ITFG1: variants seen among roughly 807,000 people sequenced by gnomAD.
ITFG1 encodes the protein T-cell immunomodulatory protein.
In ITFG1, 34 loss-of-function variants were observed where a neutral mutation model predicts 81.8. That is an observed-to-expected ratio of 0.42 (90% CI 0.32 to 0.55). The LOEUF is 0.55. Among genes scored for constraint, ITFG1 ranks in the 20% least tolerant of loss-of-function variants. The pLI is 0.17. For missense variants in ITFG1, 672 were observed against 755.4 expected, an observed-to-expected ratio of 0.89 and a Z score of 1.29; for synonymous variants, 285 against 270.6, an observed-to-expected ratio of 1.05 and a Z score of -0.52.
chr16:47,160,058 C>T (rs1964776878), intron 16 of ITFG1, among the ~76,000 whole-genome samples: 1 of 151,850 alleles, frequency 6.6e-6, no homozygotes, highest in African/African-American at 2.4e-5. Context: ...AAAACAAATA[C>T]TGTTAATTAG....
intron 10 of ITFG1, among the ~76,000 whole-genome samples, chr16:47,298,154 A>C (rs1261264845): frequency 6.6e-6 from 1 of 151,958 alleles, no homozygotes; most frequent in East Asian, 1.9e-4. Context: ...TTTATTTTCT[A>C]GCAGTTCTGG....
In ITFG1 at chr16:47,290,480, C is replaced by T. The variant is rs571309375; in HGVS notation, c.1070+20760G>A. ...ATCTAAGAATATTTGCTTTATATAT[C>T]GCAGTGCTCTGGTATTGAGTGTATT... On this transcript the variant is annotated intron_variant, in intron 10 of 17. Coordinates refer to ENST00000320640, the MANE Select transcript of ITFG1 (RefSeq NM_030790.5). 5.3e-5 allele frequency among the ~76,000 whole-genome samples: 8 copies of T among 152,214 alleles called. No individual in the cohort carries two copies. The East Asian group carries it at 7.7e-4, about 15-fold the overall frequency.
At chr16:47,274,204 C>T (rs1966373926) in intron 10 of ITFG1, among the ~76,000 whole-genome samples, 1 of 151,934 alleles carries the variant, frequency 6.6e-6, no homozygotes, top group South Asian at 2.1e-4. Flanking sequence ...TTGTGGTCAG[C>T]CAAGATTACG....
intron 8 of ITFG1, among the ~76,000 whole-genome samples, chr16:47,333,353 G>A (rs1002655655): frequency 6.6e-6 from 1 of 152,260 alleles, no homozygotes; most frequent in Non-Finnish European, 1.5e-5. Flanking sequence ...CATTATCCAA[G>A]GATGTCTCCT....
At chr16:47,172,011 G>A (rs1364743898) in intron 14 of ITFG1, among the ~76,000 whole-genome samples, 1 of 152,170 alleles carries the variant, frequency 6.6e-6, no homozygotes, top group East Asian at 1.9e-4. Context: ...TACAGTTATT[G>A]CCAAAAGAAC....
chr16:47,184,076 G>GA (rs910613022), intron 14 of ITFG1, among the ~76,000 whole-genome samples: 7 of 152,042 alleles, frequency 4.6e-5, no homozygotes, highest in Non-Finnish European at 7.4e-5. Flanking sequence ...GAAGTTTAGA[G>GA]AAAAAAGAAT....
chr16:47,455,135 C>T (rs533303150), intron 2 of ITFG1, among the ~76,000 whole-genome samples: 1 of 152,282 alleles, frequency 6.6e-6, no homozygotes, highest in East Asian at 1.9e-4. Flanking sequence ...CAGCTCTACC[C>T]TATTTCTAGA....
At chr16:47,324,369 C>A (rs919475673) in intron 8 of ITFG1, among the ~76,000 whole-genome samples, 24 of 152,028 alleles carry the variant, frequency 1.6e-4, no homozygotes, top group East Asian at 5.8e-4. Context: ...CTGGTACCAG[C>A]CACTGCAAAA....
chr16:47,285,515 T>TCCC (rs1966866445), intron 10 of ITFG1, among the ~76,000 whole-genome samples: 1 of 152,194 alleles, frequency 6.6e-6, no homozygotes, highest in Non-Finnish European at 1.5e-5. Flanking sequence ...GACAGAAATT[T>TCCC]CAGAGGCCTG....
chr16:47,262,565 T>G (rs992646858), intron 10 of ITFG1, among the ~76,000 whole-genome samples: 1 of 152,266 alleles, frequency 6.6e-6, no homozygotes, highest in African/African-American at 2.4e-5. Context: ...GCATGCATCC[T>G]TATTTTCCTT....
chr16:47,388,689 T>C (rs755315507), intron 6 of ITFG1, among the ~76,000 whole-genome samples: 3 of 152,200 alleles, frequency 2.0e-5, no homozygotes, highest in Non-Finnish European at 4.4e-5. Context: ...CAGACTCACC[T>C]TGAAGAAGGA....
chr16:47,427,551 G>A (rs964293726), intron 6 of ITFG1, among the ~76,000 whole-genome samples: 1 of 152,134 alleles, frequency 6.6e-6, no homozygotes, highest in Non-Finnish European at 1.5e-5. Context: ...CCAGCTACTT[G>A]GGAGGCGGAG....
intron 14 of ITFG1, among the ~76,000 whole-genome samples, chr16:47,188,042 G>A (rs1197084328): frequency 2.6e-5 from 4 of 152,024 alleles, no homozygotes; most frequent in African/African-American, 4.8e-5. Context: ...TCAGAGAAAT[G>A]CAAATCAAAA....
At chr16:47,163,160 A>G (rs914543435) in intron 14 of ITFG1, among the ~76,000 whole-genome samples, 1 of 152,154 alleles carries the variant, frequency 6.6e-6, no homozygotes, top group African/African-American at 2.4e-5. Context: ...TACCATACAC[A>G]TCACCCGTTT....
intron 8 of ITFG1, among the ~76,000 whole-genome samples, chr16:47,332,730 T>C (rs1455899981): frequency 6.6e-6 from 1 of 152,314 alleles, no homozygotes. Context: ...AGGCAAGACT[T>C]GACTCCAGTC....
chr16:47,307,868 C>T (rs182556174), intron 10 of ITFG1, among the ~76,000 whole-genome samples: 1 of 152,266 alleles, frequency 6.6e-6, no homozygotes, highest in Admixed American at 6.5e-5. Flanking sequence ...CACTGTTTAG[C>T]TCCCACTTAT....
intron 6 of ITFG1, among the ~76,000 whole-genome samples, chr16:47,419,276 A>ATT (rs111618943): frequency 8.7e-5 from 13 of 149,548 alleles, no homozygotes; most frequent in Admixed American, 6.7e-5. Context: ...TTCCTTCTTA[A>ATT]TTTTTTTTTT....
At chr16:47,438,229 C>G (rs955514776) in intron 5 of ITFG1, among the ~76,000 whole-genome samples, 1 of 152,202 alleles carries the variant, frequency 6.6e-6, no homozygotes, top group Non-Finnish European at 1.5e-5. Flanking sequence ...GGAGGCCTGC[C>G]TGCCTGCCTC....
intron 6 of ITFG1, among the ~76,000 whole-genome samples, chr16:47,419,182 T>C (rs1968909960): frequency 6.6e-6 from 1 of 152,206 alleles, no homozygotes; most frequent in South Asian, 2.1e-4. Context: ...AGAGTCTGTC[T>C]ATGTTGTCCA....
Sources: gnomAD v4.1 joint callset for allele counts (sites outside exome capture counted in the v4.1 genomes callset) on GRCh38, gnomAD v4.1.1 for gene constraint, MANE v1.5 for transcripts, NCBI Gene and HGNC (gene_info 2026-07-23, HGNC 2026-07-21) for gene names.